Variants in ACTR3C observed in about 807,000 individuals in gnomAD.
The protein encoded by ACTR3C is actin-related protein 3C.
Under a neutral mutation model 26.3 loss-of-function variants are expected in ACTR3C, and 18 were observed. That is an observed-to-expected ratio of 0.68 (90% confidence interval 0.47 to 1.01). The LOEUF (loss-of-function observed/expected upper bound fraction) is 1.01. Among genes scored for constraint, ACTR3C ranks in the 50% least tolerant of loss-of-function variants. ACTR3C has a pLI of 0.00. For missense variants in ACTR3C, 184 were observed against 250.7 expected (o/e 0.73, Z 1.80); for synonymous variants, 55 against 94.5 (o/e 0.58, Z 2.42).
At chr7:150,203,941 A>C in the ACTR3C span, among the ~76,000 whole-genome samples, 4 of 151,810 alleles carry the variant, frequency 2.6e-5, no homozygotes, top group Non-Finnish European at 5.9e-5. Context: ...GACCTGTTAC[A>C]TTATTTAAAA....
rs547010160 is a variant in ACTR3C, at chr7:150,263,846, C to CTA, written c.565-14794_565-14793dup. ...CAGATTTTTCTTCTAAATAGCAATTCTATTTGTTTCCTACACTAAAAATAA... is the reference window on the plus strand; with the variant it reads ...CAGATTTTTCTTCTAAATAGCAATTCTATATTTGTTTCCTACACTAAAAATAA... On this transcript the variant is annotated intron_variant, in intron 6 of 7. Transcript: ENST00000683684. Among the ~76,000 whole-genome samples, 92 of 152,352 alleles carry CTA rather than the reference C, an allele frequency of 6.0e-4. 2 individuals are homozygous for CTA. The highest frequency in any genetic ancestry group is 3.9e-3 in the East Asian group (20 of 5,188).
chr7:150,091,826 C>CA, the ACTR3C span, among the ~76,000 whole-genome samples: 847 of 137,820 alleles, frequency 6.1e-3, 2 homozygotes, highest in Admixed American at 0.013. Flanking sequence ...ACTAAAAATA[C>CA]AAAAAAAAAA....
chr7:150,113,402 T>C, the ACTR3C span, among the ~76,000 whole-genome samples: 31 of 152,124 alleles, frequency 2.0e-4, no homozygotes, highest in Non-Finnish European at 4.0e-4. Flanking sequence ...GAAGTTTTGT[T>C]CTATGACTAC....
the ACTR3C span, among the ~76,000 whole-genome samples, chr7:150,165,401 C>A: frequency 6.6e-6 from 1 of 151,808 alleles, no homozygotes; most frequent in Non-Finnish European, 1.5e-5. Context: ...TTTTAATGAA[C>A]CATGGCCAGT....
the ACTR3C span, among the ~76,000 whole-genome samples, chr7:150,147,212 C>T: frequency 4.6e-5 from 7 of 152,080 alleles, no homozygotes; most frequent in Admixed American, 1.3e-4. Context: ...AACTAAGTAA[C>T]GTGATTATAG....
At chr7:149,918,228 G>A in the ACTR3C span, among the ~76,000 whole-genome samples, 2 of 151,776 alleles carry the variant, frequency 1.3e-5, no homozygotes, top group South Asian at 4.2e-4. Context: ...GCCCTTTTGT[G>A]AATTCTGAAC....
chr7:149,957,107 C>T, the ACTR3C span, among the ~76,000 whole-genome samples: 13 of 152,050 alleles, frequency 8.5e-5, no homozygotes, highest in Non-Finnish European at 1.6e-4. Flanking sequence ...GCATGAATAG[C>T]GCATGGAATC....
chr7:150,095,468 G>A, the ACTR3C span, among the ~76,000 whole-genome samples: 3 of 150,770 alleles, frequency 2.0e-5, no homozygotes, highest in African/African-American at 7.5e-5. Context: ...GGTAGGAACT[G>A]TGATGAAAGG....
At chr7:150,037,388 T>A in the ACTR3C span, among the ~76,000 whole-genome samples, 1 of 35,538 alleles carries the variant, frequency 2.8e-5, no homozygotes, top group African/African-American at 8.6e-5. Flanking sequence ...GCCTCCCCCC[T>A]CTGCGATGGG....
the ACTR3C span, among the ~76,000 whole-genome samples, chr7:150,099,915 T>C: frequency 1.3e-5 from 2 of 151,726 alleles, no homozygotes; most frequent in East Asian, 3.8e-4. Flanking sequence ...CATAGAGTGC[T>C]GTTTGGATTG....
At chr7:150,014,096 A>C in the ACTR3C span, among the ~76,000 whole-genome samples, 1 of 152,192 alleles carries the variant, frequency 6.6e-6, no homozygotes, top group African/African-American at 2.4e-5. Context: ...CCCATGTAGC[A>C]GCCCAGTGCA....
chr7:150,036,368 G>C, the ACTR3C span, among the ~76,000 whole-genome samples: 12,208 of 94,014 alleles, frequency 0.13, 209 homozygotes, highest in African/African-American at 0.17. Flanking sequence ...CGTAGGCTAC[G>C]GGCCTCAGCC....
At chr7:150,023,949 C>T in the ACTR3C span, among the ~76,000 whole-genome samples, 8,237 of 136,414 alleles carry the variant, frequency 0.06, 977 homozygotes, top group African/African-American at 0.21. Context: ...CAGGAGGAAG[C>T]GCAGGCTTGG....
the ACTR3C span, among the ~76,000 whole-genome samples, chr7:149,938,534 A>C: frequency 3.3e-5 from 5 of 152,212 alleles, no homozygotes; most frequent in Non-Finnish European, 5.9e-5. Context: ...TGAAAAATAA[A>C]GGTGAGGAAA....
the ACTR3C span, among the ~76,000 whole-genome samples, chr7:150,174,680 T>C: frequency 7.6e-6 from 1 of 131,706 alleles, no homozygotes; most frequent in African/African-American, 3.6e-5. Flanking sequence ...ATTCACTCAA[T>C]AAGAAATGTA....
At chr7:149,996,076 G>C in the ACTR3C span, among the ~76,000 whole-genome samples, 1 of 152,108 alleles carries the variant, frequency 6.6e-6, no homozygotes, top group Non-Finnish European at 1.5e-5. Context: ...CGTGGGGAGG[G>C]AGGAGGCTGG....
At chr7:150,176,096 A>G in the ACTR3C span, among the ~76,000 whole-genome samples, 1 of 150,724 alleles carries the variant, frequency 6.6e-6, no homozygotes, top group South Asian at 2.1e-4. Context: ...TGAAACCCCA[A>G]CAAAAATACA....
the ACTR3C span, among the ~76,000 whole-genome samples, chr7:149,887,152 A>G: frequency 1.3e-5 from 2 of 152,194 alleles, no homozygotes; most frequent in Non-Finnish European, 2.9e-5. Context: ...TCTCAGGGGA[A>G]GAAAGAAAAA....
chr7:150,179,163 A>G, the ACTR3C span, among the ~76,000 whole-genome samples: 1 of 145,262 alleles, frequency 6.9e-6, no homozygotes, highest in Non-Finnish European at 1.5e-5. Context: ...CAAATAACCT[A>G]GAATATTATG....
Sources: gnomAD v4.1 joint callset for allele counts (sites outside exome capture counted in the v4.1 genomes callset) on GRCh38, gnomAD v4.1.1 for gene constraint, MANE v1.5 for transcripts, NCBI Gene and HGNC (gene_info 2026-07-23, HGNC 2026-07-21) for gene names.